Variants in RHOU observed in about 807,000 individuals in gnomAD.
The protein encoded by RHOU is rho-related GTP-binding protein RhoU.
A neutral mutation model predicts 12.6 loss-of-function variants in RHOU; 8 were observed. That is an observed-to-expected ratio of 0.64 (90% CI 0.37 to 1.15). The LOEUF (loss-of-function observed/expected upper bound fraction) is 1.15. Ranked by LOEUF, RHOU falls within the 50% of genes most tolerant of loss-of-function variation. The pLI, the probability that RHOU is intolerant of heterozygous loss-of-function variation, is 0.01. For synonymous variants in RHOU, 161 were observed against 147.4 expected (o/e 1.09, Z -0.67); for missense variants, 258 against 347.0 (o/e 0.74, Z 2.04).
chr1:228,672,841 C>A, the RHOU span, among the ~76,000 whole-genome samples: 1 of 152,142 alleles, frequency 6.6e-6, no homozygotes, highest in African/African-American at 2.4e-5. Flanking sequence ...CCTAGTATTA[C>A]CCAGCAAGAG....
the RHOU span, among the ~76,000 whole-genome samples, chr1:228,673,844 A>G: frequency 6.6e-6 from 1 of 152,226 alleles, no homozygotes; most frequent in Non-Finnish European, 1.5e-5. Flanking sequence ...GCTTTAGGTT[A>G]TTCTAAATAG....
chr1:228,646,619 G>T, the RHOU span, among the ~76,000 whole-genome samples: 1 of 134,518 alleles, frequency 7.4e-6, no homozygotes, highest in African/African-American at 3.0e-5. Flanking sequence ...GTAGCGGGTC[G>T]GGGGGTGGCC....
At chr1:228,720,088 G>C in the RHOU span, among the ~76,000 whole-genome samples, 3 of 152,018 alleles carry the variant, frequency 2.0e-5, no homozygotes, top group Non-Finnish European at 4.4e-5. Flanking sequence ...AGCAACTTTG[G>C]AGGCTAAAGC....
the RHOU span, among the ~76,000 whole-genome samples, chr1:228,680,485 G>T: frequency 6.6e-6 from 1 of 152,162 alleles, no homozygotes; most frequent in African/African-American, 2.4e-5. Context: ...CTGGAGATGT[G>T]GTTGTGGGTT....
In RHOU at chr1:228,736,015, C is replaced by T. The variant is rs1278198794; in HGVS notation, c.262+11C>T. On this transcript the variant is annotated intron_variant, in intron 1 of 2. Coordinates refer to ENST00000366691, the MANE Select transcript of RHOU (RefSeq NM_021205.6). ...TCGACAACTTCTCCGGTGAGCTGGC[C>T]GGGGGGCCGGGGCCGGGGGCGCGTG... 1.1e-5 allele frequency: 17 copies of T among 1,569,162 alleles called. No homozygotes were observed. Among genetic ancestry groups the T allele is most frequent in the African/African-American group, 8.4e-5 (6 of 71,286 alleles).
chr1:228,647,689 A>C, the RHOU span, among the ~76,000 whole-genome samples: 1 of 152,046 alleles, frequency 6.6e-6, no homozygotes, highest in East Asian at 1.9e-4. Context: ...CACCTTAGTG[A>C]TCTGAGGCGT....
At chr1:228,672,660 G>A in the RHOU span, among the ~76,000 whole-genome samples, 1 of 152,202 alleles carries the variant, frequency 6.6e-6, no homozygotes, top group Non-Finnish European at 1.5e-5. Context: ...GTAGTGGGGA[G>A]TGGAGAAATT....
chr1:228,648,012 CG>C, the RHOU span: 1 of 152,204 alleles, frequency 6.6e-6, no homozygotes, highest in Non-Finnish European at 1.5e-5. Context: ...CGGACGCCTT[CG>C]GGGTGGTATG....
chr1:228,736,530 A>C (rs1331700375), intron 1 of RHOU, among the ~76,000 whole-genome samples: 1 of 152,100 alleles, frequency 6.6e-6, no homozygotes, highest in African/African-American at 2.4e-5. Context: ...TGATTTAGTG[A>C]AAAAGCGCGA....
the RHOU span, among the ~76,000 whole-genome samples, chr1:228,678,819 G>A: frequency 1.3e-5 from 2 of 152,078 alleles, no homozygotes; most frequent in Non-Finnish European, 2.9e-5. Context: ...ACTGTAGAGA[G>A]TGAGTTGAGC....
the RHOU span, among the ~76,000 whole-genome samples, chr1:228,716,096 T>C: frequency 1.3e-5 from 2 of 152,056 alleles, no homozygotes; most frequent in East Asian, 3.9e-4. Flanking sequence ...AAAATCTTTT[T>C]TGTAAATATA....
the RHOU span, among the ~76,000 whole-genome samples, chr1:228,651,969 A>G: frequency 6.6e-6 from 1 of 152,220 alleles, no homozygotes. Context: ...TGGTTGAAGT[A>G]GCAAGATGTT....
the RHOU span, among the ~76,000 whole-genome samples, chr1:228,707,130 A>ATG: frequency 9.1e-6 from 1 of 110,190 alleles, no homozygotes; most frequent in Non-Finnish European, 1.7e-5. Context: ...ATATATACAT[A>ATG]TATATATATA....
the RHOU span, among the ~76,000 whole-genome samples, chr1:228,665,346 A>C: frequency 3.3e-5 from 5 of 152,212 alleles, no homozygotes; most frequent in African/African-American, 1.2e-4. Context: ...TTCCCAAGGG[A>C]ACTCCCACTG....
the RHOU span, among the ~76,000 whole-genome samples, chr1:228,656,960 C>T: frequency 1.1e-4 from 16 of 152,004 alleles, no homozygotes; most frequent in Non-Finnish European, 1.9e-4. Context: ...TTAAAAACCA[C>T]GAATAGGATG....
rs1195655439 is a variant in RHOU, at chr1:228,735,494, C to T, written c.-249C>T. 1 of 263,624 alleles carries T rather than the reference C, an allele frequency of 3.8e-6. No homozygotes were observed. 16.3% of individuals were successfully genotyped at this position (263,624 alleles called of 1,614,324 possible). ...GGGCGGAGACAGAGCGCTTGGGATCCACGGCGCTCGGACCGCTGTCCTCCA... is the reference window on the plus strand; with the variant it reads ...GGGCGGAGACAGAGCGCTTGGGATCTACGGCGCTCGGACCGCTGTCCTCCA... On this transcript the variant is annotated 5_prime_UTR_variant, in exon 1 of 3. Transcript: ENST00000366691. This position sits in a 1 kb window ranked among gnomAD's most constrained non-coding sequence, Gnocchi z 8.1.
chr1:228,671,711 T>TCA, the RHOU span, among the ~76,000 whole-genome samples: 1 of 29,774 alleles, frequency 3.4e-5, no homozygotes, highest in South Asian at 1.0e-3. Flanking sequence ...AGACTCCATC[T>TCA]CAAAAAAAAA....
the RHOU span, chr1:228,687,330 G>T: frequency 1.0e-5 from 7 of 697,248 alleles, no homozygotes; most frequent in Admixed American, 1.2e-4. Context: ...TTCTTTATTT[G>T]AAGGAATGGT....
At chr1:228,683,274 C>T in the RHOU span, among the ~76,000 whole-genome samples, 1 of 152,186 alleles carries the variant, frequency 6.6e-6, no homozygotes, top group African/African-American at 2.4e-5. Flanking sequence ...ACCTGTCTTC[C>T]ACCCTATTGT....
Sources: gnomAD v4.1 joint callset for allele counts (sites outside exome capture counted in the v4.1 genomes callset) on GRCh38, gnomAD v4.1.1 for gene constraint, Gnocchi (gnomAD v3.1) non-coding constraint, MANE v1.5 for transcripts, NCBI Gene and HGNC (gene_info 2026-07-23, HGNC 2026-07-21) for gene names.